HS6ST3: variants seen among roughly 807,000 people sequenced by gnomAD.
HS6ST3 encodes the protein heparan sulfate 6-O-sulfotransferase 3, also known as heparan-sulfate 6-O-sulfotransferase 3.
A neutral mutation model predicts 36.7 loss-of-function variants in HS6ST3; 12 were observed. The observed-to-expected ratio is 0.33, with a 90% CI of 0.21 to 0.53. The LOEUF is 0.53. Among genes scored for constraint, HS6ST3 ranks in the 20% least tolerant of loss-of-function variants. HS6ST3 has a pLI of 0.95. For synonymous variants in HS6ST3, 240 were observed against 257.5 expected (o/e 0.93, Z 0.65); for missense variants, 584 against 640.9 (o/e 0.91, Z 0.96).
intron 1 of HS6ST3, among the ~76,000 whole-genome samples, chr13:96,325,717 G>A (rs2055027441): frequency 6.6e-6 from 1 of 152,132 alleles, no homozygotes; most frequent in Non-Finnish European, 1.5e-5. Context: ...TAACATTAAT[G>A]ACTGGGACTA....
rs10492534 is a variant in HS6ST3 at position 96,835,776 on chromosome 13, T to C, written c.*2578T>C. The stretch of plus-strand genomic sequence containing the variant: ...GAGGCAGCCCCTGCTCACTTCACGC[T>C]GTTCCTTAGGCACCTCGGGATTGGT... On this transcript the variant is annotated 3_prime_UTR_variant, in exon 2 of 2. Transcript: ENST00000376705. 4,289 of 152,372 alleles carry C rather than the reference T, an allele frequency of 0.028. 73 individuals are homozygous for C. Among genetic ancestry groups the C allele is most frequent in the African/African-American group, 0.028 (1,148 of 41,580 alleles). The allele number at this position is 152,372 out of a possible 1,614,324, so 9.4% of individuals were successfully genotyped here.
At chr13:96,799,946 A>ATATATATATATATATG (rs1566456734) in intron 1 of HS6ST3, among the ~76,000 whole-genome samples, 4,803 of 76,880 alleles carry the variant, frequency 0.062, 373 homozygotes, top group East Asian at 0.26. Context: ...ATGTGTGTGT[A>ATATATATATATATATG]TATATATATA....
At chr13:96,214,791 C>CAAAGA (rs139064317) in intron 1 of HS6ST3, among the ~76,000 whole-genome samples, 1,760 of 152,166 alleles carry the variant, frequency 0.012, 35 homozygotes, top group African/African-American at 0.041. Context: ...AGAAATCAAG[C>CAAAGA]AGTTTATTAT....
chr13:96,194,778 A>C (rs987359888), intron 1 of HS6ST3, among the ~76,000 whole-genome samples: 8 of 144,538 alleles, frequency 5.5e-5, no homozygotes, highest in Admixed American at 4.3e-4. Context: ...CATTTCACTC[A>C]CCCCCAAGCC....
At chr13:96,386,545 T>A (rs999637192) in intron 1 of HS6ST3, among the ~76,000 whole-genome samples, 4 of 152,090 alleles carry the variant, frequency 2.6e-5, no homozygotes, top group Non-Finnish European at 4.4e-5. Context: ...AGATGGTAAA[T>A]TTTATACATA....
In HS6ST3 at chr13:96,833,280, C is replaced by G. The variant is rs1240941887; in HGVS notation, c.*82C>G. ...GTTGAGGTACCTTGGAGAAGCTGAGCCATTCTGAGGACATCTGGCTGTGTG... is the reference window on the plus strand; with the variant it reads ...GTTGAGGTACCTTGGAGAAGCTGAGGCATTCTGAGGACATCTGGCTGTGTG... On this transcript the variant is annotated 3_prime_UTR_variant, in exon 2 of 2. Transcript: ENST00000376705. The G allele has an allele frequency of 9.0e-7, 1 of 1,117,026 alleles. No individual in the cohort carries two copies. The highest frequency in any genetic ancestry group is 1.2e-6 in the Non-Finnish European group (1 of 806,708). 69.2% of individuals were successfully genotyped at this position (1,117,026 alleles called of 1,614,324 possible). A position where few individuals can be genotyped will look rare whatever the true frequency, so the allele number is the denominator to read the frequency against.
At chr13:96,216,812 A>G (rs1033477907) in intron 1 of HS6ST3, among the ~76,000 whole-genome samples, 2 of 152,096 alleles carry the variant, frequency 1.3e-5, no homozygotes, top group African/African-American at 2.4e-5. Context: ...TCCTATTTTC[A>G]TTCAGCACAC....
intron 1 of HS6ST3, among the ~76,000 whole-genome samples, chr13:96,765,354 G>T (rs997965375): frequency 1.3e-5 from 2 of 152,020 alleles, no homozygotes; most frequent in African/African-American, 4.8e-5. Context: ...TTACAGGCGT[G>T]AACCACCGCA....
intron 1 of HS6ST3, among the ~76,000 whole-genome samples, chr13:96,756,824 C>G (rs1191392288): frequency 6.6e-6 from 1 of 152,212 alleles, no homozygotes; most frequent in Non-Finnish European, 1.5e-5. Context: ...CTGAAATTTG[C>G]AAATTGTCCT....
Position 96,833,095 on chromosome 13 carries a change from G to A in HS6ST3, c.1313G>A (p.Arg438Gln), listed in dbSNP as rs746839989. The part of the protein sequence containing the change: ...QRDRQKRREE[R>Q]RLQREHRDHQ... Reference sequence around the variant, plus strand: ...GACCGCCAGAAGCGGCGGGAGGAGCGGAGGCTGCAGCGAGAGCACAGGGAC... The same window carrying A: ...GACCGCCAGAAGCGGCGGGAGGAGCAGAGGCTGCAGCGAGAGCACAGGGAC... The change falls in exon 2 of 2, where the codon CGG becomes CAG. Residue 438 changes from arginine (R) to glutamine (Q), a missense_variant. By Grantham distance (43) the Arg-to-Gln change is conservative. Coordinates refer to ENST00000376705, the MANE Select transcript of HS6ST3 (RefSeq NM_153456.4). 3.5e-5 allele frequency: 56 copies of A among 1,608,174 alleles called. No homozygotes were observed. Among genetic ancestry groups the A allele is most frequent in the Non-Finnish European group, 4.3e-5 (51 of 1,179,978 alleles).
At chr13:96,577,110 G>A (rs1350306171) in intron 1 of HS6ST3, among the ~76,000 whole-genome samples, 3 of 151,988 alleles carry the variant, frequency 2.0e-5, no homozygotes, top group Non-Finnish European at 4.4e-5. Flanking sequence ...GTGGTTTGCT[G>A]CACCCATCAA....
chr13:96,571,281 A>G (rs900831661), intron 1 of HS6ST3, among the ~76,000 whole-genome samples: 14 of 152,180 alleles, frequency 9.2e-5, no homozygotes, highest in East Asian at 3.9e-4. Flanking sequence ...ACCATCCTGC[A>G]TGTGCATGCA....
At chr13:96,343,302 A>G (rs1283072148) in intron 1 of HS6ST3, among the ~76,000 whole-genome samples, 1 of 152,212 alleles carries the variant, frequency 6.6e-6, no homozygotes, top group Non-Finnish European at 1.5e-5. Context: ...AGGTGTCAGC[A>G]AGCATGCATT....
rs141574161 is a variant in HS6ST3, at chr13:96,681,495, A to T, written c.708-150995A>T. On this transcript the variant is annotated intron_variant, in intron 1 of 1. Transcript: ENST00000376705. ...AACTGATCCTATCACTCACCTCATTACATCTTTCATTGGACTTTCTGTCCT... is the reference window on the plus strand; with the variant it reads ...AACTGATCCTATCACTCACCTCATTTCATCTTTCATTGGACTTTCTGTCCT... Among the ~76,000 whole-genome samples the T allele has an allele frequency of 7.4e-3, 1,133 of 152,260 alleles. 60 individuals carry two copies. The highest frequency in any genetic ancestry group is 0.062 in the Admixed American group (946 of 15,274).
Position 96,429,580 on chromosome 13 carries a change from C to T in HS6ST3, c.707+338011C>T, listed in dbSNP as rs753156972. 6.4e-4 allele frequency among the ~76,000 whole-genome samples: 97 copies of T among 152,306 alleles called. 1 individual carries two copies. The highest frequency in any genetic ancestry group is 1.2e-3 in the Non-Finnish European group (79 of 68,024). On this transcript the variant is annotated intron_variant, in intron 1 of 1. Coordinates refer to ENST00000376705, the MANE Select transcript of HS6ST3 (RefSeq NM_153456.4). Reference sequence around the variant, plus strand: ...TCCCTGTATAAGTTCATTCCCTAGACATGTCTAAAGAGTACAGTGTTCTTT... The same window carrying T: ...TCCCTGTATAAGTTCATTCCCTAGATATGTCTAAAGAGTACAGTGTTCTTT...
At chr13:96,522,093 T>A (rs964289943) in intron 1 of HS6ST3, among the ~76,000 whole-genome samples, 1 of 152,252 alleles carries the variant, frequency 6.6e-6, no homozygotes, top group South Asian at 2.1e-4. Flanking sequence ...TATTTCTGCC[T>A]TCATTTTGTT....
At chr13:96,264,525 T>C (rs980155929) in intron 1 of HS6ST3, among the ~76,000 whole-genome samples, 1 of 152,214 alleles carries the variant, frequency 6.6e-6, no homozygotes, top group African/African-American at 2.4e-5. Context: ...GTATTTCTGG[T>C]ACTACCAAAT....
At chr13:96,394,622 A>G (rs892683096) in intron 1 of HS6ST3, among the ~76,000 whole-genome samples, 13 of 152,302 alleles carry the variant, frequency 8.5e-5, no homozygotes, top group East Asian at 5.8e-4. Context: ...AAACTGTATA[A>G]TCCTCATTGT....
At chr13:96,152,458 C>T (rs1248501624) in intron 1 of HS6ST3, among the ~76,000 whole-genome samples, 1 of 151,910 alleles carries the variant, frequency 6.6e-6, no homozygotes, top group Non-Finnish European at 1.5e-5. Context: ...CTGCCTCAGC[C>T]TCCTGAGTAG....
Sources: gnomAD v4.1 joint callset for allele counts (sites outside exome capture counted in the v4.1 genomes callset) on GRCh38, gnomAD v4.1.1 for gene constraint, MANE v1.5 for transcripts, NCBI Gene and HGNC (gene_info 2026-07-23, HGNC 2026-07-21) for gene names.